The following OSTF1 variants were observed in gnomAD, a reference collection of about 807,000 sequenced individuals.
OSTF1 encodes osteoclast stimulating factor 1.
Under a neutral mutation model 37.2 loss-of-function variants are expected in OSTF1, and 27 were observed. The observed-to-expected ratio is 0.73, with a 90% CI of 0.54 to 1.00. OSTF1 has a LOEUF of 1.00. OSTF1 is among the 50% of genes least tolerant of loss of function. The pLI, the probability that OSTF1 is intolerant of heterozygous loss-of-function variation, is 0.00. For missense variants in OSTF1, 232 were observed against 253.8 expected (o/e 0.91, Z 0.58); for synonymous variants, 82 against 89.2 (o/e 0.92, Z 0.46).
At chr9:75,124,245 AC>A (rs1164146501) in intron 2 of OSTF1, among the ~76,000 whole-genome samples, 33 of 152,120 alleles carry the variant, frequency 2.2e-4, no homozygotes, top group Admixed American at 2.2e-3. Context: ...TAAGTATCCA[AC>A]CCCTCAAGCG....
chr9:75,131,849 G>A (rs747871982), intron 5 of OSTF1, 26 bp downstream of exon 5: 3 of 1,576,386 alleles, frequency 1.9e-6, no homozygotes, highest in Admixed American at 3.3e-5. Context: ...TTTGACTGAG[G>A]TATGCAGTAC....
At chr9:75,089,950 C>A (rs1047053963) in intron 1 of OSTF1, among the ~76,000 whole-genome samples, 1 of 152,124 alleles carries the variant, frequency 6.6e-6, no homozygotes, top group Non-Finnish European at 1.5e-5. Context: ...GGACTGACAT[C>A]TTGGTGGGCT....
At chr9:75,104,103 G>A (rs1825243250) in intron 1 of OSTF1, among the ~76,000 whole-genome samples, 1 of 152,130 alleles carries the variant, frequency 6.6e-6, no homozygotes, top group African/African-American at 2.4e-5. Context: ...CCCAGCCCCA[G>A]TGTGGTGGCA....
At chr9:75,121,980 C>G (rs1825588049) in intron 2 of OSTF1, among the ~76,000 whole-genome samples, 1 of 152,212 alleles carries the variant, frequency 6.6e-6, no homozygotes, top group African/African-American at 2.4e-5. Flanking sequence ...AGGAAGAACG[C>G]TAGGTAGCTC....
chr9:75,117,830 G>C lies in OSTF1; in HGVS notation c.81+280G>C, dbSNP rs535920864. On this transcript the variant is annotated intron_variant, in intron 2 of 9. Transcript: ENST00000346234. ...CTTGCATATAAAGCACAGCGACCCT[G>C]TCTTAGTCATCTTTCTTCTGAATTT... Among the ~76,000 whole-genome samples, 21 of 152,322 alleles carry C rather than the reference G, an allele frequency of 1.4e-4. No individual in the cohort carries two copies. In the South Asian group the frequency reaches 4.4e-3, roughly 32 times the overall value.
chr9:75,130,744 A>G (rs1564166310), intron 4 of OSTF1, 103 bp downstream of exon 4: 1 of 756,722 alleles, frequency 1.3e-6, no homozygotes, highest in Non-Finnish European at 2.4e-6. Flanking sequence ...CAATGGAGTC[A>G]TTGTCAGTCT....
Position 75,119,620 on chromosome 9 carries a change from G to T in OSTF1, c.81+2070G>T, listed in dbSNP as rs895854982. On this transcript the variant is annotated intron_variant, in intron 2 of 9. Coordinates refer to ENST00000346234, the MANE Select transcript of OSTF1 (RefSeq NM_012383.5). ...TTGTAGATGTCAGACTTCTCTCCATGTCTTCTTATGGTCTTTCCTCTGAAT... is the reference window on the plus strand; with the variant it reads ...TTGTAGATGTCAGACTTCTCTCCATTTCTTCTTATGGTCTTTCCTCTGAAT... Among the ~76,000 whole-genome samples the T allele has an allele frequency of 5.3e-5, 8 of 152,312 alleles. No homozygotes were observed. In the South Asian group the frequency reaches 1.2e-3, roughly 24 times the overall value.
Position 75,088,542 on chromosome 9 carries a change from G to C in OSTF1, c.-151G>C. The C allele has an allele frequency of 2.5e-6, 2 of 809,286 alleles. No individual in the cohort carries two copies. Among genetic ancestry groups the C allele is most frequent in the Non-Finnish European group, 4.0e-6 (2 of 498,008 alleles). The allele number at this position is 809,286 out of a possible 1,614,324, so 50.1% of individuals were successfully genotyped here. ...CGGCGGAGCCGCTCTGCCTGCGTCC[G>C]CTCTTCCCGCAGCCAAGGGTGGGCG... On this transcript the variant is annotated 5_prime_UTR_variant, in exon 1 of 10. Coordinates refer to ENST00000346234, the MANE Select transcript of OSTF1 (RefSeq NM_012383.5).
chr9:75,126,654 C>T (rs967462953), intron 2 of OSTF1, among the ~76,000 whole-genome samples: 2 of 152,108 alleles, frequency 1.3e-5, no homozygotes, highest in Non-Finnish European at 2.9e-5. Flanking sequence ...AGTGCAGTGG[C>T]GTGATCTCAG....
chr9:75,115,987 C>T (rs67370617), intron 1 of OSTF1, among the ~76,000 whole-genome samples: 31,895 of 151,784 alleles, frequency 0.21, 3,521 homozygotes, highest in Non-Finnish European at 0.24. Flanking sequence ...GCCCGTAGTC[C>T]CAGTCACTCT....
At chr9:75,144,059 G>A (rs1267274194) in intron 9 of OSTF1, among the ~76,000 whole-genome samples, 4 of 152,208 alleles carry the variant, frequency 2.6e-5, no homozygotes, top group Admixed American at 2.6e-4. Flanking sequence ...AGTAGAAGGG[G>A]ACAGAGTTTT....
At chr9:75,096,128 G>A (rs368692906) in intron 1 of OSTF1, among the ~76,000 whole-genome samples, 1 of 152,120 alleles carries the variant, frequency 6.6e-6, no homozygotes, top group Non-Finnish European at 1.5e-5. Flanking sequence ...CCTGACCTCC[G>A]TGATCCACCC....
In OSTF1 at chr9:75,098,277, C is replaced by A. The variant is rs1016097535; in HGVS notation, c.34+9551C>A. Among the ~76,000 whole-genome samples the A allele has an allele frequency of 2.0e-5, 3 of 152,228 alleles. No individual in the cohort carries two copies. The East Asian group carries it at 5.8e-4, about 29-fold the overall frequency. ...GAAACATATGGAGGAATTAAACACACCAAGCAAAGGCTTTTCATAAGTCCA... is the reference window on the plus strand; with the variant it reads ...GAAACATATGGAGGAATTAAACACAACAAGCAAAGGCTTTTCATAAGTCCA... On this transcript the variant is annotated intron_variant, in intron 1 of 9. Transcript: ENST00000346234.
intron 1 of OSTF1, among the ~76,000 whole-genome samples, chr9:75,089,247 T>G (rs537866281): frequency 1.3e-5 from 2 of 150,074 alleles, no homozygotes; most frequent in Non-Finnish European, 3.0e-5. Context: ...CTCGGGATCT[T>G]GGGAAGAGCG....
At chr9:75,115,169 G>A (rs1825460160) in intron 1 of OSTF1, among the ~76,000 whole-genome samples, 2 of 152,178 alleles carry the variant, frequency 1.3e-5, no homozygotes, top group South Asian at 4.1e-4. Flanking sequence ...AATAATTTCT[G>A]AAGTAGTCTT....
At chr9:75,116,234 T>G (rs909661268) in intron 1 of OSTF1, among the ~76,000 whole-genome samples, 4 of 152,308 alleles carry the variant, frequency 2.6e-5, no homozygotes, top group Middle Eastern at 3.4e-3. Context: ...TATGGGAGGA[T>G]GTATATATGT....
chr9:75,129,245 C>T (rs543995058), intron 3 of OSTF1, among the ~76,000 whole-genome samples: 77 of 152,256 alleles, frequency 5.1e-4, no homozygotes, highest in African/African-American at 1.7e-3. Flanking sequence ...TCTCATTGGT[C>T]AGCATGAGAG....
intron 9 of OSTF1, among the ~76,000 whole-genome samples, chr9:75,145,177 A>ATCTACCAATCTAATCT (rs10701570): frequency 6.7e-6 from 1 of 148,944 alleles, no homozygotes; most frequent in Non-Finnish European, 1.5e-5. Flanking sequence ...CTATCTATCT[A>ATCTACCAATCTAATCT]ATCTATCTAT....
chr9:75,113,713 T>A (rs149671696), intron 1 of OSTF1, among the ~76,000 whole-genome samples: 1 of 152,322 alleles, frequency 6.6e-6, no homozygotes, highest in African/African-American at 2.4e-5. Context: ...CATTATGGTG[T>A]ACAACATGAT....
Sources: gnomAD v4.1 joint callset for allele counts (sites outside exome capture counted in the v4.1 genomes callset) on GRCh38, gnomAD v4.1.1 for gene constraint, MANE v1.5 for transcripts, NCBI Gene and HGNC (gene_info 2026-07-23, HGNC 2026-07-21) for gene names.